Variants in SIMC1 observed in about 807,000 individuals in gnomAD.
The protein encoded by SIMC1 is SUMO-interacting motif-containing protein 1.
SIMC1 carries 55 observed loss-of-function variants against 82.3 expected under a neutral mutation model. The observed-to-expected ratio is 0.67, with a 90% CI of 0.54 to 0.84. The LOEUF is 0.84. SIMC1 is among the 40% of genes least tolerant of loss of function. The probability of loss-of-function intolerance (pLI) is 0.00; values close to 1 mark genes in which losing one functional copy is unlikely to be tolerated. For missense variants in SIMC1, 915 were observed against 1,107.2 expected (o/e 0.83, Z 2.46); for synonymous variants, 353 against 426.3 (o/e 0.83, Z 2.12).
chr5:176,259,948 G>A (rs2913303), intron 1 of SIMC1, among the ~76,000 whole-genome samples: 1 of 150,590 alleles, frequency 6.6e-6, no homozygotes, highest in Non-Finnish European at 1.5e-5. Flanking sequence ...GATCATGCTA[G>A]CTTTTTAAAA....
At chr5:176,287,712 AAG>A (rs1000871121) in intron 1 of SIMC1, among the ~76,000 whole-genome samples, 10 of 151,766 alleles carry the variant, frequency 6.6e-5, no homozygotes, top group Non-Finnish European at 1.2e-4. Context: ...AGAATAAAAA[AAG>A]AAAAAAAAAA....
chr5:176,250,380 A>G (rs1761609327), intron 1 of SIMC1, among the ~76,000 whole-genome samples: 1 of 152,188 alleles, frequency 6.6e-6, no homozygotes, highest in Non-Finnish European at 1.5e-5. Context: ...TTTACTTCCA[A>G]TTATGTGGCC....
intron 1 of SIMC1, among the ~76,000 whole-genome samples, chr5:176,276,124 C>T (rs1762681487): frequency 6.6e-6 from 1 of 151,656 alleles, no homozygotes; most frequent in Non-Finnish European, 1.5e-5. Flanking sequence ...GGTTAGTAAG[C>T]TATTGATTAT....
chr5:176,324,570 CAG>C, intron 6 of SIMC1, 57 bp from the exon 7 acceptor site: 2 of 1,564,032 alleles, frequency 1.3e-6, no homozygotes, highest in Non-Finnish European at 1.7e-6. Flanking sequence ...TCCTCCCAGC[CAG>C]AGAGTGGCTC....
intron 9 of SIMC1, among the ~76,000 whole-genome samples, chr5:176,344,184 G>A (rs1043894656): frequency 2.0e-5 from 3 of 152,028 alleles, no homozygotes; most frequent in African/African-American, 4.8e-5. Flanking sequence ...GCCAGGATAC[G>A]GTCAAATATG....
chr5:176,341,693 G>T (rs147738683), intron 9 of SIMC1, among the ~76,000 whole-genome samples: 5 of 152,288 alleles, frequency 3.3e-5, no homozygotes, highest in Non-Finnish European at 7.3e-5. Flanking sequence ...TATGGAGAAA[G>T]ATCTGCAAAG....
chr5:176,295,989 G>C, intron 3 of SIMC1: 1 of 550,646 alleles, frequency 1.8e-6, no homozygotes, highest in Non-Finnish European at 3.2e-6. Context: ...GGTAAAACTA[G>C]TTGGTTAAGA....
intron 1 of SIMC1, among the ~76,000 whole-genome samples, chr5:176,243,368 A>G (rs397832900): frequency 5.4e-4 from 82 of 152,348 alleles, no homozygotes; most frequent in African/African-American, 1.8e-3. Context: ...TGAGGCTGCA[A>G]TGTAACGACT....
At chr5:176,246,241 A>G (rs1485052535) in intron 1 of SIMC1, among the ~76,000 whole-genome samples, 1 of 151,682 alleles carries the variant, frequency 6.6e-6, no homozygotes, top group Non-Finnish European at 1.5e-5. Context: ...CAAACTGCTG[A>G]CCTTGTGATC....
intron 1 of SIMC1, among the ~76,000 whole-genome samples, chr5:176,256,147 A>G (rs552420903): frequency 3.3e-5 from 5 of 152,314 alleles, no homozygotes; most frequent in African/African-American, 1.2e-4. Context: ...AAAACAAACA[A>G]AAAAGCTGCA....
chr5:176,305,887 C>T (rs1419512558), intron 4 of SIMC1, among the ~76,000 whole-genome samples: 10 of 86,950 alleles, frequency 1.2e-4, no homozygotes, highest in African/African-American at 4.8e-4. Context: ...GGCCAGCCGC[C>T]CCGTCCGGGA....
At chr5:176,299,942 T>G (rs1225058444) in intron 4 of SIMC1, among the ~76,000 whole-genome samples, 1 of 151,998 alleles carries the variant, frequency 6.6e-6, no homozygotes, top group African/African-American at 2.4e-5. Context: ...CCAATCACAA[T>G]GGGATGAAAC....
chr5:176,290,473 C>T lies in SIMC1; in HGVS notation c.949C>T (p.Gln317Ter). The change falls in exon 2 of 10, where the codon CAG becomes TAG. Residue 317 changes from glutamine to a stop codon, truncating the protein, a stop_gained. Coordinates refer to ENST00000429602, the MANE Select transcript of SIMC1 (RefSeq NM_001308195.2). LOFTEE classifies it high-confidence loss of function. ...GCCACGGTCACCAGGAGATGTGCCA[C>T]AGTCACCAAGTGATGTTTCACCGTC... ...DMPRSPGDVP[Q>*]SPSDVSPSPD... 6.2e-7 allele frequency: 1 copy of T among 1,613,882 alleles called. No homozygotes were observed. The highest frequency in any genetic ancestry group is 8.5e-7 in the Non-Finnish European group (1 of 1,179,788).
In SIMC1 at chr5:176,290,026, G is replaced by A. The variant is rs762050951; in HGVS notation, c.502G>A (p.Gly168Ser). Residue 168 changes from glycine (G) to serine (S), a missense_variant, in exon 2 of 10, where the codon GGT (glycine) becomes AGT (serine). Around this residue, in one of 2 missense-constraint regions of SIMC1, gnomAD observed 902 missense variants for 1,040.3 expected, o/e 0.87. Coordinates refer to ENST00000429602, the MANE Select transcript of SIMC1 (RefSeq NM_001308195.2). ...TAATTGTAGCTCAGCCACATTCACAGGTAACCTCAGCTTCTTGGCAAGTCT... is the reference window on the plus strand; with the variant it reads ...TAATTGTAGCTCAGCCACATTCACAAGTAACCTCAGCTTCTTGGCAAGTCT... ...EPNCSSATFT[G>S]NLSFLASLQL... The A allele has an allele frequency of 3.1e-6, 5 of 1,613,518 alleles. No homozygotes were observed. In the Admixed American group the frequency reaches 8.3e-5, roughly 27 times the overall value.
Position 176,247,157 on chromosome 5 carries a change from G to A in SIMC1, c.129+8520G>A, listed in dbSNP as rs541047574. On this transcript the variant is annotated intron_variant, in intron 1 of 9. Transcript: ENST00000429602. ...GATTGCTGGGTCAAATGGTATTTCT[G>A]GTTCTAGATCCTTGAGGAATCACCA... 3.1e-3 allele frequency among the ~76,000 whole-genome samples: 473 copies of A among 152,088 alleles called. 6 individuals carry two copies. The highest frequency in any genetic ancestry group is 3.6e-3 in the Non-Finnish European group (243 of 67,954).
chr5:176,281,142 T>C (rs1178082981), intron 1 of SIMC1, among the ~76,000 whole-genome samples: 1 of 152,250 alleles, frequency 6.6e-6, no homozygotes. Context: ...TTTTATTCTT[T>C]TTTCTCTAAA....
At chr5:176,257,790 T>C (rs1420199172) in intron 1 of SIMC1, among the ~76,000 whole-genome samples, 1 of 152,194 alleles carries the variant, frequency 6.6e-6, no homozygotes, top group African/African-American at 2.4e-5. Flanking sequence ...AAGACTGCAT[T>C]AGATTGTTTC....
At chr5:176,308,686 G>C in intron 4 of SIMC1, 1 of 1,546,092 alleles carries the variant, frequency 6.5e-7, no homozygotes, top group South Asian at 1.1e-5. Context: ...GAAGAGGAAA[G>C]GTATGAGAGA....
chr5:176,261,867 A>G (rs1762026718), intron 1 of SIMC1, among the ~76,000 whole-genome samples: 1 of 152,218 alleles, frequency 6.6e-6, no homozygotes, highest in Non-Finnish European at 1.5e-5. Context: ...CCAGGCCCAG[A>G]TGGGTTGGCG....
Sources: gnomAD v4.1 joint callset for allele counts (sites outside exome capture counted in the v4.1 genomes callset) on GRCh38, gnomAD v4.1.1 for gene constraint, gnomAD v4.1.1 regional missense constraint, MANE v1.5 for transcripts, NCBI Gene and HGNC (gene_info 2026-07-23, HGNC 2026-07-21) for gene names.